WDPCP: variants seen among roughly 807,000 people sequenced by gnomAD.
WDPCP encodes WD repeat containing planar cell polarity effector.
In WDPCP, 71 loss-of-function variants were observed where a neutral mutation model predicts 93.1. The ratio of observed to expected loss-of-function variants is 0.76; its 90% CI spans 0.63 to 0.93. The LOEUF is 0.93. WDPCP is among the 40% of genes least tolerant of loss of function. The pLI, the probability that WDPCP is intolerant of heterozygous loss-of-function variation, is 0.00. For missense variants in WDPCP, 844 were observed against 887.4 expected, an observed-to-expected ratio of 0.95 and a Z score of 0.62; for synonymous variants, 315 against 315.0, an observed-to-expected ratio of 1.00 and a Z score of 0.00.
At chr2:63,242,466 T>G (rs1679929435) in intron 14 of WDPCP, among the ~76,000 whole-genome samples, 1 of 152,082 alleles carries the variant, frequency 6.6e-6, no homozygotes, top group Non-Finnish European at 1.5e-5. Context: ...ATTCTTCAAA[T>G]AAGAAGTTAA....
At chr2:63,414,349 G>T (rs1321355238) in intron 9 of WDPCP, among the ~76,000 whole-genome samples, 1 of 152,096 alleles carries the variant, frequency 6.6e-6, no homozygotes, top group Non-Finnish European at 1.5e-5. Context: ...AGGAAAAAAA[G>T]TCATTATATT....
chr2:63,751,842 ATTG>A, intron 2 of WDPCP: 1 of 674,348 alleles, frequency 1.5e-6, no homozygotes, highest in Non-Finnish European at 2.8e-6. Context: ...TTGAAGACTA[ATTG>A]TTGTAATTGC....
At chr2:63,380,576 T>C (rs1692216812) in intron 11 of WDPCP, among the ~76,000 whole-genome samples, 1 of 151,960 alleles carries the variant, frequency 6.6e-6, no homozygotes, top group Admixed American at 6.6e-5. Context: ...ATAGAAAAAT[T>C]AGCTGGGTGT....
intron 9 of WDPCP, among the ~76,000 whole-genome samples, chr2:63,423,587 C>T (rs754504965): frequency 2.6e-5 from 4 of 152,128 alleles, no homozygotes; most frequent in Non-Finnish European, 5.9e-5. Context: ...AGTAAGAGAT[C>T]ATGAAATTAC....
intron 1 of WDPCP, among the ~76,000 whole-genome samples, chr2:63,507,109 C>T (rs1701928360): frequency 6.6e-6 from 1 of 151,758 alleles, no homozygotes; most frequent in Non-Finnish European, 1.5e-5. Context: ...AGAAAATTCC[C>T]CAGAACTGAA....
intron 6 of WDPCP, among the ~76,000 whole-genome samples, chr2:63,463,131 A>C (rs1162054494): frequency 6.6e-6 from 1 of 151,652 alleles, no homozygotes; most frequent in African/African-American, 2.4e-5. Flanking sequence ...AAAGAAATAG[A>C]GAGAACACTG....
chr2:63,490,516 A>G (rs1700816476), intron 2 of WDPCP, among the ~76,000 whole-genome samples: 2 of 152,224 alleles, frequency 1.3e-5, no homozygotes, highest in African/African-American at 2.4e-5. Context: ...ATAGCAGGAA[A>G]GGCTTCTCTA....
intron 1 of WDPCP, among the ~76,000 whole-genome samples, chr2:63,566,061 T>C (rs746003318): frequency 2.0e-5 from 3 of 152,228 alleles, no homozygotes; most frequent in Non-Finnish European, 2.9e-5. Flanking sequence ...CCTTCTCTTC[T>C]CCAACCTCAA....
chr2:63,595,951 C>G (rs1343970176), intron 3 of WDPCP, among the ~76,000 whole-genome samples: 1 of 152,244 alleles, frequency 6.6e-6, no homozygotes, highest in Middle Eastern at 3.4e-3. Context: ...CTATACATTG[C>G]TCTGGAAGTT....
intron 1 of WDPCP, among the ~76,000 whole-genome samples, chr2:63,823,512 A>G (rs1671060932): frequency 6.6e-6 from 1 of 151,540 alleles, no homozygotes; most frequent in Non-Finnish European, 1.5e-5. Flanking sequence ...CAAAAACAAA[A>G]ACAAACAAAC....
intron 1 of WDPCP, chr2:63,827,502 T>C (rs1037154287): frequency 4.6e-5 from 7 of 152,190 alleles, no homozygotes; most frequent in African/African-American, 1.7e-4. Flanking sequence ...ATGGATTCTA[T>C]AATAATTTAT....
intron 1 of WDPCP, among the ~76,000 whole-genome samples, chr2:63,511,646 G>A (rs1321638883): frequency 6.6e-6 from 1 of 152,162 alleles, no homozygotes; most frequent in South Asian, 2.1e-4. Flanking sequence ...AAGCAATGGG[G>A]AAAGGATTCC....
chr2:63,387,893 A>G (rs188491232), intron 10 of WDPCP, among the ~76,000 whole-genome samples: 1 of 152,248 alleles, frequency 6.6e-6, no homozygotes, highest in East Asian at 1.9e-4. Context: ...AAAAGAATAA[A>G]ACACCTGGGA....
intron 2 of WDPCP, among the ~76,000 whole-genome samples, chr2:63,794,517 C>T (rs958231629): frequency 7.9e-5 from 12 of 152,196 alleles, no homozygotes; most frequent in African/African-American, 1.4e-4. Flanking sequence ...TGGCATTTTT[C>T]CCCTGCTGGC....
chr2:63,332,214 A>G (rs910199876), intron 12 of WDPCP, among the ~76,000 whole-genome samples: 1 of 151,776 alleles, frequency 6.6e-6, no homozygotes, highest in Non-Finnish European at 1.5e-5. Flanking sequence ...AAATATAAAT[A>G]TATATCTCCC....
At chr2:63,464,858 G>A (rs1464889729) in intron 6 of WDPCP, among the ~76,000 whole-genome samples, 1 of 151,982 alleles carries the variant, frequency 6.6e-6, no homozygotes, top group Admixed American at 6.6e-5. Flanking sequence ...ACAGAAAGTA[G>A]AATGCTGGTT....
At chr2:63,668,962 A>C (rs2592388) in intron 2 of WDPCP, among the ~76,000 whole-genome samples, 123,813 of 152,162 alleles carry the variant, frequency 0.81, 50,965 homozygotes, top group East Asian at 0.98. Flanking sequence ...AAAGCACAGG[A>C]TTTGGGAACT....
At chr2:63,527,502 G>T (rs1703437854) in intron 1 of WDPCP, among the ~76,000 whole-genome samples, 1 of 151,868 alleles carries the variant, frequency 6.6e-6, no homozygotes, top group African/African-American at 2.4e-5. Context: ...AGTTTGCTCA[G>T]AATGATGGTT....
At chr2:63,311,778 G>T (rs537478567) in intron 13 of WDPCP, among the ~76,000 whole-genome samples, 8 of 152,114 alleles carry the variant, frequency 5.3e-5, no homozygotes, top group African/African-American at 1.9e-4. Context: ...GGTGCCTTTC[G>T]TGATGTTTCT....
Sources: allele counts gnomAD v4.1 joint callset (sites outside exome capture counted in the v4.1 genomes callset), GRCh38; gene constraint gnomAD v4.1.1; transcripts MANE v1.5; gene names NCBI Gene and HGNC (gene_info 2026-07-23, HGNC 2026-07-21).